The following PAN3 variants were observed in gnomAD, a reference collection of about 807,000 sequenced individuals.
PAN3 encodes PAN2-PAN3 deadenylation complex subunit PAN3.
Under a neutral mutation model 96.2 loss-of-function variants are expected in PAN3, and 19 were observed. The observed-to-expected ratio is 0.20, with a 90% confidence interval of 0.14 to 0.29. The LOEUF (loss-of-function observed/expected upper bound fraction) is 0.29. Among genes scored for constraint, PAN3 ranks in the 10% least tolerant of loss-of-function variants. The pLI, the probability that PAN3 is intolerant of heterozygous loss-of-function variation, is 1.00. For missense variants in PAN3, 882 were observed against 1,108.1 expected (o/e 0.80, Z 2.90); for synonymous variants, 433 against 406.6 (o/e 1.06, Z -0.78).
At chr13:28,169,311 C>T (rs958731138) in intron 1 of PAN3, among the ~76,000 whole-genome samples, 3 of 141,656 alleles carry the variant, frequency 2.1e-5, no homozygotes, top group African/African-American at 7.9e-5. Context: ...CTCACTGCAA[C>T]CTCTGCCTCC....
intron 6 of PAN3, among the ~76,000 whole-genome samples, chr13:28,235,045 C>G (rs1375766777): frequency 6.6e-6 from 1 of 152,154 alleles, no homozygotes; most frequent in Non-Finnish European, 1.5e-5. Context: ...CCATGGCCTG[C>G]ATAATCTGTT....
intron 5 of PAN3, among the ~76,000 whole-genome samples, chr13:28,201,005 C>CT (rs1472511773): frequency 1.3e-5 from 2 of 151,642 alleles, no homozygotes; most frequent in Non-Finnish European, 2.9e-5. Flanking sequence ...TTGCTGGCTA[C>CT]TTTTTTATTG....
At position 28,280,495 on chromosome 13, in the gene PAN3, A is replaced by G. The variant is rs544830751; in HGVS notation, c.2273A>G (p.Asp758Gly). The part of the protein sequence containing the change: ...MIGARFYTQL[D>G]AAQMRNDVIE... ...GGTGCTCGATTTTATACTCAATTGG[A>G]TGCTGCTCAAATGAGAAATGATGTC... is the stretch of plus-strand genomic sequence containing the variant. The change falls in exon 16 of 19, where the codon GAT (aspartate) becomes GGT (glycine). Residue 758 changes from aspartate (D) to glycine (G), a missense_variant. This residue lies in a region of PAN3 where 76 missense variants were observed against 171.7 expected (regional missense o/e 0.44). Transcript: ENST00000380958. 1 of 1,609,270 alleles carries G rather than the reference A, an allele frequency of 6.2e-7. No homozygotes were observed. The highest frequency in any genetic ancestry group is 2.2e-5 in the East Asian group (1 of 44,518).
chr13:28,199,612 T>C (rs1226711264), intron 5 of PAN3, among the ~76,000 whole-genome samples: 2 of 152,190 alleles, frequency 1.3e-5, no homozygotes, highest in Non-Finnish European at 2.9e-5. Flanking sequence ...ACTGTCTGTG[T>C]AGATTCCAAA....
intron 18 of PAN3, 101 bp from the exon 19 acceptor site, chr13:28,292,281 G>A (rs1454415836): frequency 1.6e-6 from 2 of 1,251,216 alleles, no homozygotes; most frequent in African/African-American, 3.1e-5. Context: ...AAGGGAATGT[G>A]ACAAAAAAAA....
chr13:28,289,972 GT>G (rs1869541220), intron 18 of PAN3, among the ~76,000 whole-genome samples: 1 of 152,234 alleles, frequency 6.6e-6, no homozygotes, highest in Non-Finnish European at 1.5e-5. Flanking sequence ...GCATTATGAA[GT>G]TTAGAACTGG....
intron 13 of PAN3, 47 bp from the exon 14 acceptor site, chr13:28,271,934 T>TA (rs768981293): frequency 1.5e-6 from 2 of 1,347,994 alleles, no homozygotes; most frequent in Non-Finnish European, 2.0e-6. Context: ...TGCAATTTTT[T>TA]AAAAACTTAT....
At chr13:28,254,017 C>T (rs1267589431) in intron 6 of PAN3, among the ~76,000 whole-genome samples, 1 of 152,150 alleles carries the variant, frequency 6.6e-6, no homozygotes, top group Non-Finnish European at 1.5e-5. Flanking sequence ...GTCTCACTTA[C>T]ATACCTACTT....
At chr13:28,202,383 C>A (rs889306634) in intron 5 of PAN3, among the ~76,000 whole-genome samples, 3 of 152,112 alleles carry the variant, frequency 2.0e-5, no homozygotes, top group African/African-American at 4.8e-5. Context: ...TTATTCCTTA[C>A]GCATATACAG....
rs1232692926 is a variant in PAN3 at position 28,197,333 on chromosome 13, A to G, written c.839A>G (p.Glu280Gly). The G allele has an allele frequency of 6.3e-7, 1 of 1,598,650 alleles. No homozygotes were observed. The highest frequency in any genetic ancestry group is 2.2e-5 in the East Asian group (1 of 44,454). ...INMVWWNRVT[E>G]NNLQTPNPTA... ...ATGGTTTGGTGGAACAGAGTCACAG[A>G]AAACAATTTACAGGTAAAAATAATT... is the stretch of plus-strand genomic sequence containing the variant. The change falls in exon 5 of 19, where the codon GAA becomes GGA. Residue 280 changes from glutamate to glycine, a missense_variant. Physicochemically the swap from Glu to Gly is moderately conservative, Grantham distance 98. Transcript: ENST00000380958.
At chr13:28,210,315 T>A (rs1879880465) in intron 5 of PAN3, among the ~76,000 whole-genome samples, 1 of 152,210 alleles carries the variant, frequency 6.6e-6, no homozygotes, top group Admixed American at 6.5e-5. Flanking sequence ...AGCTTGTTAC[T>A]AATTGATCTT....
intron 1 of PAN3, among the ~76,000 whole-genome samples, chr13:28,147,444 GT>G (rs1344867101): frequency 6.6e-6 from 1 of 152,150 alleles, no homozygotes; most frequent in African/African-American, 2.4e-5. Flanking sequence ...AGAAACTATT[GT>G]TAAGTTGAAA....
intron 6 of PAN3, among the ~76,000 whole-genome samples, chr13:28,242,045 C>T (rs1000030646): frequency 6.6e-6 from 1 of 152,050 alleles, no homozygotes; most frequent in African/African-American, 2.4e-5. Flanking sequence ...ACCCAGATTG[C>T]ATTGACCTAG....
At chr13:28,141,901 A>T (rs1394989247) in intron 1 of PAN3, among the ~76,000 whole-genome samples, 1 of 152,242 alleles carries the variant, frequency 6.6e-6, no homozygotes, top group African/African-American at 2.4e-5. Flanking sequence ...AAGGTGGGAC[A>T]TCTTAGGAAA....
chr13:28,191,531 G>A (rs1877256754), intron 4 of PAN3, among the ~76,000 whole-genome samples: 1 of 152,042 alleles, frequency 6.6e-6, no homozygotes, highest in African/African-American at 2.4e-5. Flanking sequence ...GCACAAGACA[G>A]CCCCCCACAA....
intron 1 of PAN3, 77 bp from the exon 2 acceptor site, chr13:28,174,191 CTTAT>C: frequency 7.1e-7 from 1 of 1,411,682 alleles, no homozygotes; most frequent in Non-Finnish European, 9.6e-7. Context: ...GACTTTACAA[CTTAT>C]TTAGGAACAC....
At chr13:28,139,826 C>T (rs769944052) in intron 1 of PAN3, among the ~76,000 whole-genome samples, 4 of 152,102 alleles carry the variant, frequency 2.6e-5, no homozygotes, top group Non-Finnish European at 5.9e-5. Flanking sequence ...AGCTTTGTAT[C>T]AAGCAAACTC....
chr13:28,177,262 A>G (rs1229189373), intron 3 of PAN3, among the ~76,000 whole-genome samples: 4 of 152,176 alleles, frequency 2.6e-5, no homozygotes, highest in African/African-American at 7.2e-5. Context: ...TGGAATTTTG[A>G]ACCTACAAAA....
At chr13:28,182,905 A>T (rs561799912) in intron 4 of PAN3, among the ~76,000 whole-genome samples, 48 of 152,282 alleles carry the variant, frequency 3.2e-4, no homozygotes, top group African/African-American at 1.1e-3. Flanking sequence ...TTGACATTTA[A>T]AAGTTTTCTT....
Sources: gnomAD v4.1 joint callset for allele counts (sites outside exome capture counted in the v4.1 genomes callset) on GRCh38, gnomAD v4.1.1 for gene constraint, gnomAD v4.1.1 regional missense constraint, MANE v1.5 for transcripts, NCBI Gene and HGNC (gene_info 2026-07-23, HGNC 2026-07-21) for gene names.